GNG12: variants seen among roughly 807,000 people sequenced by gnomAD.
GNG12 encodes G protein subunit gamma 12, also known as guanine nucleotide-binding protein G(I)/G(S)/G(O) subunit gamma-12.
For synonymous variants in GNG12, 28 were observed against 29.7 expected, an observed-to-expected ratio of 0.94 and a Z score of 0.19; for missense variants, 69 against 83.8, an observed-to-expected ratio of 0.82 and a Z score of 0.69.
chr1:67,825,163 C>A (rs146915753), intron 1 of GNG12, among the ~76,000 whole-genome samples: 97 of 152,350 alleles, frequency 6.4e-4, no homozygotes, highest in African/African-American at 2.1e-3. Context: ...ACTATAAACA[C>A]AACAGGTGAA....
intron 2 of GNG12, 52 bp from the exon 3 acceptor site, chr1:67,707,764 A>C (rs1646258333): frequency 1.2e-6 from 1 of 857,744 alleles, no homozygotes; most frequent in Non-Finnish European, 1.9e-6. Context: ...AAGTTATTTA[A>C]ACATTCATAA....
intron 1 of GNG12, among the ~76,000 whole-genome samples, chr1:67,807,804 A>C (rs575797499): frequency 6.6e-6 from 1 of 152,290 alleles, no homozygotes; most frequent in Admixed American, 6.5e-5. Flanking sequence ...TATTAATGAA[A>C]TTGAATCAAT....
intron 1 of GNG12, among the ~76,000 whole-genome samples, chr1:67,830,002 CT>C (rs35214495): frequency 0.26 from 29,923 of 117,196 alleles, 3,078 homozygotes; most frequent in Admixed American, 0.33. Flanking sequence ...AAGATGGAGG[CT>C]TTTTTTTTTT....
chr1:67,797,197 C>T (rs1646836297), intron 1 of GNG12, among the ~76,000 whole-genome samples: 1 of 152,136 alleles, frequency 6.6e-6, no homozygotes, highest in African/African-American at 2.4e-5. Flanking sequence ...CAATCCCTGG[C>T]TCATTCTCAA....
Position 67,705,531 on chromosome 1 carries a change from C to T in GNG12, c.139G>A (p.Ala47Thr), listed in dbSNP as rs768444205. 3 of 1,614,096 alleles carry T rather than the reference C, an allele frequency of 1.9e-6. No homozygotes were observed. Among genetic ancestry groups the T allele is most frequent in the Non-Finnish European group, 2.5e-6 (3 of 1,179,998 alleles). ...ADLMSYCEEHARSDPLLIGIP... is the reference protein window; with the variant it reads ...ADLMSYCEEHTRSDPLLIGIP... Reference sequence around the variant, plus strand: ...CCTATCAGCAAAGGGTCACTCCTGGCATGTTCCTCACAGTAGGACATGAGG... The same window carrying T: ...CCTATCAGCAAAGGGTCACTCCTGGTATGTTCCTCACAGTAGGACATGAGG... The change falls in exon 4 of 4, where the codon GCC becomes ACC. Residue 47 changes from alanine to threonine, a missense_variant. By Grantham distance (58) the Ala-to-Thr change is moderately conservative. Transcript: ENST00000370982.
chr1:67,703,284 T>C lies in GNG12; in HGVS notation c.*2167A>G, dbSNP rs1646226153. On this transcript the variant is annotated 3_prime_UTR_variant, in exon 4 of 4. Coordinates refer to ENST00000370982, the MANE Select transcript of GNG12 (RefSeq NM_018841.6). ...ACCACTATAAGCATATTAACAGATA[T>C]ATATCAAAACATACTTGTTTACTGT... is the stretch of plus-strand genomic sequence containing the variant. 6.6e-6 allele frequency: 1 copy of C among 152,188 alleles called. No individual in the cohort carries two copies. Among genetic ancestry groups the C allele is most frequent in the African/African-American group, 2.4e-5 (1 of 41,430 alleles). The allele number at this position is 152,188 out of a possible 1,614,324, so 9.4% of individuals were successfully genotyped here.
chr1:67,833,046 A>G (rs1647059365), intron 1 of GNG12, among the ~76,000 whole-genome samples: 1 of 150,200 alleles, frequency 6.7e-6, no homozygotes, highest in South Asian at 2.1e-4. Flanking sequence ...GGCTTCCCGC[A>G]ACCTCGGGCG....
In GNG12 at chr1:67,755,796, T is replaced by G. The variant is rs117949505; in HGVS notation, c.-27+21662A>C. Among the ~76,000 whole-genome samples the G allele has an allele frequency of 7.4e-4, 113 of 152,290 alleles. 1 individual carries two copies. The East Asian group carries it at 0.015, about 20-fold the overall frequency. On this transcript the variant is annotated intron_variant, in intron 2 of 3. Coordinates refer to ENST00000370982, the MANE Select transcript of GNG12 (RefSeq NM_018841.6). ...ATGAGTCAAGAGCACTTAGGACTTT[T>G]ATAATGTCCTAAGGTCATAACGAAC...
At chr1:67,741,032 A>G (rs920264666) in intron 2 of GNG12, among the ~76,000 whole-genome samples, 5 of 152,212 alleles carry the variant, frequency 3.3e-5, no homozygotes, top group Admixed American at 6.5e-5. Context: ...ACTATTCCCC[A>G]AAACTATTCT....
At chr1:67,720,646 C>T (rs541989752) in intron 2 of GNG12, among the ~76,000 whole-genome samples, 1 of 152,200 alleles carries the variant, frequency 6.6e-6, no homozygotes. Context: ...TTTATTTACT[C>T]TTCACAACAT....
intron 2 of GNG12, among the ~76,000 whole-genome samples, chr1:67,736,816 T>C (rs1030905786): frequency 1.3e-5 from 2 of 152,238 alleles, no homozygotes; most frequent in African/African-American, 2.4e-5. Flanking sequence ...GGGTCATTTC[T>C]AATCTGCTTC....
At chr1:67,771,823 T>C (rs1399245610) in intron 2 of GNG12, among the ~76,000 whole-genome samples, 1 of 152,198 alleles carries the variant, frequency 6.6e-6, no homozygotes, top group African/African-American at 2.4e-5. Flanking sequence ...GTTCAGAGAA[T>C]GCATGTAAAG....
chr1:67,724,689 C>G (rs1044769583), intron 2 of GNG12, among the ~76,000 whole-genome samples: 2 of 152,118 alleles, frequency 1.3e-5, no homozygotes, highest in African/African-American at 4.8e-5. Flanking sequence ...CGCGCCTGGC[C>G]CAATTCTATT....
chr1:67,721,878 TC>T (rs997069077), intron 2 of GNG12, among the ~76,000 whole-genome samples: 12 of 151,906 alleles, frequency 7.9e-5, no homozygotes, highest in African/African-American at 2.4e-4. Context: ...TGCTCTCTGC[TC>T]CCCTGGCTGA....
chr1:67,706,550 C>A (rs984987152), intron 3 of GNG12, among the ~76,000 whole-genome samples: 9 of 152,146 alleles, frequency 5.9e-5, no homozygotes, highest in African/African-American at 2.2e-4. Context: ...CAGCTGAGCC[C>A]TGTCTAGCAC....
chr1:67,750,242 G>A (rs1646530662), intron 2 of GNG12, among the ~76,000 whole-genome samples: 1 of 152,182 alleles, frequency 6.6e-6, no homozygotes, highest in African/African-American at 2.4e-5. Flanking sequence ...GGCTCTCCAG[G>A]AAAAATGAGA....
intron 2 of GNG12, among the ~76,000 whole-genome samples, chr1:67,733,414 G>A (rs968158018): frequency 1.3e-5 from 2 of 152,118 alleles, no homozygotes; most frequent in Admixed American, 1.3e-4. Flanking sequence ...TCTGGCCTTT[G>A]CAAATATACA....
chr1:67,788,508 A>ATT lies in GNG12; in HGVS notation c.-76-11003_-76-11002dup, dbSNP rs1025504306. Among the ~76,000 whole-genome samples the ATT allele has an allele frequency of 9.2e-5, 13 of 140,866 alleles. 1 individual carries two copies. The South Asian group carries it at 1.6e-3, about 17-fold the overall frequency. The allele number at this position is 140,866 out of a possible 152,430, so 92.4% of individuals were successfully genotyped here. A position where few individuals can be genotyped will look rare whatever the true frequency, so the allele number is the denominator to read the frequency against. The stretch of plus-strand genomic sequence containing the variant: ...TTCACCACACCCAGCTAGTTTTTGT[A>ATT]TTTTTTTTTTTTTAAGGAGATAGTG... On this transcript the variant is annotated intron_variant, in intron 1 of 3. Coordinates refer to ENST00000370982, the MANE Select transcript of GNG12 (RefSeq NM_018841.6).
intron 1 of GNG12, among the ~76,000 whole-genome samples, chr1:67,804,624 T>A (rs1646884462): frequency 6.6e-6 from 1 of 151,962 alleles, no homozygotes; most frequent in Non-Finnish European, 1.5e-5. Flanking sequence ...AGTAGAGAAG[T>A]AAAGTGACAG....
Sources: gnomAD v4.1 joint callset for allele counts (sites outside exome capture counted in the v4.1 genomes callset) on GRCh38, gnomAD v4.1.1 for gene constraint, MANE v1.5 for transcripts, NCBI Gene and HGNC (gene_info 2026-07-23, HGNC 2026-07-21) for gene names.